The following ADAM10 variants were observed in gnomAD, a reference collection of about 807,000 sequenced individuals.
ADAM10 encodes the protein ADAM metallopeptidase domain 10, also known as disintegrin and metalloproteinase domain-containing protein 10.
In ADAM10, 17 loss-of-function variants were observed where a neutral mutation model predicts 90.1. The ratio of observed to expected loss-of-function variants is 0.19; its 90% CI spans 0.13 to 0.28. The LOEUF (loss-of-function observed/expected upper bound fraction) is 0.28. Among genes scored for constraint, ADAM10 ranks in the 10% least tolerant of loss-of-function variants. The probability of loss-of-function intolerance (pLI) is 1.00; values close to 1 mark genes in which losing one functional copy is unlikely to be tolerated. For missense variants in ADAM10, 610 were observed against 914.3 expected (o/e 0.67, Z 4.29); for synonymous variants, 310 against 298.6 (o/e 1.04, Z -0.40).
At chr15:58,688,408 T>C (rs1897667503) in intron 2 of ADAM10, among the ~76,000 whole-genome samples, 1 of 148,782 alleles carries the variant, frequency 6.7e-6, no homozygotes, top group Non-Finnish European at 1.5e-5. Flanking sequence ...TAAATATTAA[T>C]CAAAATGTGA....
At chr15:58,704,187 A>C (rs1898215020) in intron 2 of ADAM10, 1 of 152,224 alleles carries the variant, frequency 6.6e-6, no homozygotes, top group Non-Finnish European at 1.5e-5. Context: ...GTGAGAATGG[A>C]CTAATACAGT....
chr15:58,591,956 C>T lies in ADAM10; in HGVS notation c.*5591G>A, dbSNP rs1181810033. On this transcript the variant is annotated 3_prime_UTR_variant, in exon 16 of 16. Coordinates refer to ENST00000260408, the MANE Select transcript of ADAM10 (RefSeq NM_001110.4). The stretch of plus-strand genomic sequence containing the variant: ...CTTGATAGATGTAGCTCTTAAGTCT[C>T]CTTTAACCCATCGTTGTCTTTTCTC... The T allele has an allele frequency of 6.6e-6, 1 of 152,198 alleles. No individual in the cohort carries two copies. The highest frequency in any genetic ancestry group is 1.5e-5 in the Non-Finnish European group (1 of 68,054). The allele number at this position is 152,198 out of a possible 1,614,324, so 9.4% of individuals were successfully genotyped here.
In ADAM10 at chr15:58,616,099, A is replaced by G. The variant is rs148747002; in HGVS notation, c.1512-4108T>C. 8.4e-3 allele frequency among the ~76,000 whole-genome samples: 1,280 copies of G among 152,306 alleles called. 18 individuals are homozygous for G. Among genetic ancestry groups the G allele is most frequent in the African/African-American group, 0.029 (1,218 of 41,562 alleles). On this transcript the variant is annotated intron_variant, in intron 11 of 15. Transcript: ENST00000260408. ...AGGGATATAACAATTCTAAATCTAT[A>G]TGCACCGAACACCAGAGCACCCAGA...
intron 14 of ADAM10, among the ~76,000 whole-genome samples, chr15:58,606,692 G>A (rs996159401): frequency 2.0e-5 from 3 of 152,096 alleles, no homozygotes; most frequent in African/African-American, 7.2e-5. Flanking sequence ...ATATCACAGA[G>A]ACTGAAAAAA....
In ADAM10 at chr15:58,640,889, A is replaced by G; in HGVS notation, c.900T>C (p.Phe300=). ...GATTCTGCTCAGAATTCAATTCCAG[A>G]AACTTCTCCACACCAATATTTGGGA... is the stretch of plus-strand genomic sequence containing the variant. ...FRFPNIGVEK[F]LELNSEQNHD... The change falls in exon 8 of 16, where the codon TTT becomes TTC. Residue 300 remains phenylalanine (F), a synonymous_variant. Transcript: ENST00000260408. The G allele has an allele frequency of 6.2e-7, 1 of 1,614,180 alleles. No individual in the cohort carries two copies.
rs1212041296 is a variant in ADAM10, at chr15:58,655,711, G to GTGTGTATATATATATATA, written c.585+9385_585+9386insTATATATATATATACACA. Reference sequence around the variant, plus strand: ...ATTATATATAGTATATATATATATAGTATATATATATATATATATATATAT... The same window carrying GTGTGTATATATATATATA: ...ATTATATATAGTATATATATATATAGTGTGTATATATATATATATATATATATATATATATATATATAT... On this transcript the variant is annotated intron_variant, in intron 5 of 15. Transcript: ENST00000260408. Among the ~76,000 whole-genome samples the GTGTGTATATATATATATA allele has an allele frequency of 1.7e-4, 9 of 53,710 alleles. 1 individual carries two copies. The highest frequency in any genetic ancestry group is 1.2e-3 in the East Asian group (2 of 1,722). The allele number at this position is 53,710 out of a possible 152,430, so 35.2% of individuals were successfully genotyped here.
Position 58,611,398 on chromosome 15 carries a change from T to C in ADAM10, c.1696-291A>G, listed in dbSNP as rs1895433611. 21 of 386,016 alleles carry C rather than the reference T, an allele frequency of 5.4e-5. 1 individual carries two copies. The South Asian group carries it at 6.9e-4, about 13-fold the overall frequency. The allele number at this position is 386,016 out of a possible 1,614,324, so 23.9% of individuals were successfully genotyped here. A position where few individuals can be genotyped will look rare whatever the true frequency, so the allele number is the denominator to read the frequency against. ...TGAGGATCGATTTTATGTTGGTTAT[T>C]ACGGCTCTTCTATAAAGAAAGAAAA... On this transcript the variant is annotated intron_variant, in intron 12 of 15. Coordinates refer to ENST00000260408, the MANE Select transcript of ADAM10 (RefSeq NM_001110.4).
intron 4 of ADAM10, among the ~76,000 whole-genome samples, chr15:58,677,784 T>A (rs564461587): frequency 1.3e-4 from 20 of 152,306 alleles, no homozygotes; most frequent in African/African-American, 4.6e-4. Flanking sequence ...AGAAAAATAT[T>A]CCAGTATTTC....
intron 4 of ADAM10, among the ~76,000 whole-genome samples, chr15:58,667,074 T>C (rs1427281): frequency 0.38 from 57,513 of 151,948 alleles, 12,558 homozygotes; most frequent in East Asian, 0.84. Context: ...TAAGCCCTCA[T>C]TGAGATGCTA....
intron 5 of ADAM10, among the ~76,000 whole-genome samples, chr15:58,651,338 T>C (rs1896682639): frequency 6.6e-6 from 1 of 152,158 alleles, no homozygotes; most frequent in Non-Finnish European, 1.5e-5. Context: ...TTTCAAATAC[T>C]AGGTCTTATT....
chr15:58,680,068 T>C (rs113514153), intron 3 of ADAM10, among the ~76,000 whole-genome samples: 3,599 of 152,286 alleles, frequency 0.024, 48 homozygotes, highest in Middle Eastern at 0.048. Context: ...CGATATATTG[T>C]GCATGGGCCA....
chr15:58,723,956 C>A (rs1336185063), intron 1 of ADAM10, among the ~76,000 whole-genome samples: 3 of 152,086 alleles, frequency 2.0e-5, no homozygotes, highest in Non-Finnish European at 2.9e-5. Context: ...ATTGGCCAGA[C>A]GTGATGGCTC....
intron 1 of ADAM10, 74 bp from the exon 2 acceptor site, chr15:58,717,801 G>T: frequency 1.9e-6 from 3 of 1,551,874 alleles, no homozygotes; most frequent in Non-Finnish European, 2.6e-6. Context: ...GATTATTCAA[G>T]TATCTATGAA....
In ADAM10 at chr15:58,591,557, C is replaced by T. The variant is rs1295541354; in HGVS notation, c.*5990G>A. The T allele has an allele frequency of 1.3e-5, 2 of 152,146 alleles. No homozygotes were observed. The highest frequency in any genetic ancestry group is 4.8e-5 in the African/African-American group (2 of 41,422). The allele number at this position is 152,146 out of a possible 1,614,324, so 9.4% of individuals were successfully genotyped here. ...GGATTACAGGTATGAGCCATCACAA[C>T]TGGCCACATTTTAAAACTTCTATGA... On this transcript the variant is annotated 3_prime_UTR_variant, in exon 16 of 16. Transcript: ENST00000260408.
At chr15:58,649,506 C>A (rs537380992) in intron 5 of ADAM10, among the ~76,000 whole-genome samples, 1 of 152,256 alleles carries the variant, frequency 6.6e-6, no homozygotes, top group South Asian at 2.1e-4. Context: ...CTACTTTTAG[C>A]GTGTCAGATG....
At chr15:58,655,710 A>ATAGT (rs1566982335) in intron 5 of ADAM10, among the ~76,000 whole-genome samples, 4 of 44,202 alleles carry the variant, frequency 9.0e-5, no homozygotes, top group African/African-American at 2.7e-4. Context: ...ATATATATAT[A>ATAGT]GTATATATAT....
At position 58,679,218 on chromosome 15, in the gene ADAM10, A is replaced by T; in HGVS notation, c.390T>A (p.Thr130=). Residue 130 remains threonine, a synonymous_variant, in exon 4 of 16, where the codon ACT becomes ACA. Transcript: ENST00000260408. ...IDGRFEGFIQ[T]RGGTFYVEPA... is the part of the protein sequence containing the mutation. ...GCTCAACATAAAATGTGCCACCACG[A>T]GTCTGGATGAATCCTTCAAATCTTC... 6.2e-7 allele frequency: 1 copy of T among 1,614,118 alleles called. No homozygotes were observed. The highest frequency in any genetic ancestry group is 8.5e-7 in the Non-Finnish European group (1 of 1,180,002).
intron 1 of ADAM10, among the ~76,000 whole-genome samples, chr15:58,738,110 A>T (rs1161634807): frequency 1.3e-5 from 2 of 152,234 alleles, no homozygotes; most frequent in Non-Finnish European, 2.9e-5. Context: ...CTCAAAAAAA[A>T]TTACTTGTAA....
intron 6 of ADAM10, among the ~76,000 whole-genome samples, 181 bp from the exon 7 acceptor site, chr15:58,644,159 C>T (rs555245086): frequency 4.5e-4 from 68 of 151,056 alleles, no homozygotes; most frequent in South Asian, 6.3e-4. Context: ...AAGGGAGATT[C>T]TACTTTCTTT....
Sources: allele counts gnomAD v4.1 joint callset (sites outside exome capture counted in the v4.1 genomes callset), GRCh38; gene constraint gnomAD v4.1.1; transcripts MANE v1.5; gene names NCBI Gene and HGNC (gene_info 2026-07-23, HGNC 2026-07-21).